Variants in SSBP3 observed in about 807,000 individuals in gnomAD.
The protein encoded by SSBP3 is single stranded DNA binding protein 3.
A neutral mutation model predicts 69.6 loss-of-function variants in SSBP3; 5 were observed. The ratio of observed to expected loss-of-function variants is 0.07; its 90% CI spans 0.04 to 0.15. SSBP3 has a LOEUF of 0.15. Ranked by LOEUF, SSBP3 falls within the 10% of genes least tolerant of loss-of-function variation. The probability of loss-of-function intolerance (pLI) is 1.00; values close to 1 mark genes in which losing one functional copy is unlikely to be tolerated. For missense variants in SSBP3, 312 were observed against 534.0 expected, an observed-to-expected ratio of 0.58 and a Z score of 4.10; for synonymous variants, 196 against 193.4, an observed-to-expected ratio of 1.01 and a Z score of -0.11.
At chr1:54,262,471 C>T (rs891027411) in intron 5 of SSBP3, among the ~76,000 whole-genome samples, 2 of 152,186 alleles carry the variant, frequency 1.3e-5, no homozygotes, top group Admixed American at 6.5e-5. Context: ...GGGAGAGCAC[C>T]GAGATGCCGG....
At chr1:54,270,490 G>A (rs1645174408) in intron 5 of SSBP3, among the ~76,000 whole-genome samples, 1 of 152,318 alleles carries the variant, frequency 6.6e-6, no homozygotes, top group Admixed American at 6.5e-5. Context: ...TGGTGCTTAG[G>A]TGTGTCAAAT....
At chr1:54,377,024 G>A (rs1231440238) in intron 4 of SSBP3, among the ~76,000 whole-genome samples, 2 of 151,962 alleles carry the variant, frequency 1.3e-5, no homozygotes, top group African/African-American at 2.4e-5. Context: ...CAGAATGAGA[G>A]AGAGGTAAGG....
At chr1:54,333,079 C>T (rs10788979) in intron 4 of SSBP3, among the ~76,000 whole-genome samples, 37,610 of 152,054 alleles carry the variant, frequency 0.25, 6,508 homozygotes, top group African/African-American at 0.49. Flanking sequence ...TCCTGTGGTC[C>T]GCAGGGACCA....
At chr1:54,301,006 C>T (rs1645791716) in intron 4 of SSBP3, among the ~76,000 whole-genome samples, 1 of 152,182 alleles carries the variant, frequency 6.6e-6, no homozygotes, top group Admixed American at 6.5e-5. Context: ...CTCTTAGGAT[C>T]TCCTGAATGC....
At chr1:54,236,138 CG>C (rs1557443613) in intron 14 of SSBP3, among the ~76,000 whole-genome samples, 1 of 151,614 alleles carries the variant, frequency 6.6e-6, no homozygotes, top group Non-Finnish European at 1.5e-5. Flanking sequence ...TTCTTTGAAA[CG>C]GAGTCTCATT....
At chr1:54,229,524 C>A (rs561649006) in intron 14 of SSBP3, among the ~76,000 whole-genome samples, 90 of 152,286 alleles carry the variant, frequency 5.9e-4, no homozygotes, top group African/African-American at 2.1e-3. Context: ...CAGGAGGTCA[C>A]TGATGAGGCT....
At chr1:54,358,761 C>T (rs1298356912) in intron 4 of SSBP3, among the ~76,000 whole-genome samples, 4 of 152,168 alleles carry the variant, frequency 2.6e-5, no homozygotes, top group African/African-American at 4.8e-5. Context: ...TCCCCACCTA[C>T]GCTCTCAACG....
intron 4 of SSBP3, among the ~76,000 whole-genome samples, chr1:54,332,623 T>G (rs1646437478): frequency 6.6e-6 from 1 of 152,098 alleles, no homozygotes; most frequent in Non-Finnish European, 1.5e-5. Context: ...TTCCTGTGCC[T>G]CCACTCCCTA....
rs1180761729 is a variant in SSBP3, at chr1:54,355,000, C to A, written c.276+46861G>T. ...CCAGAAGACTGCTTACTGCCCTCGA[C>A]ACAAGGTCCCTCTAAAAGGAAGGGG... On this transcript the variant is annotated intron_variant, in intron 4 of 17. Transcript: ENST00000610401. Among the ~76,000 whole-genome samples, 3 of 152,322 alleles carry A rather than the reference C, an allele frequency of 2.0e-5. No individual in the cohort carries two copies. The East Asian group carries it at 5.8e-4, about 29-fold the overall frequency.
chr1:54,315,688 C>T (rs1206697158), intron 4 of SSBP3, among the ~76,000 whole-genome samples: 1 of 151,808 alleles, frequency 6.6e-6, no homozygotes, highest in African/African-American at 2.4e-5. Flanking sequence ...AAGACAGGGT[C>T]TCTTGCTCTG....
intron 4 of SSBP3, among the ~76,000 whole-genome samples, chr1:54,395,989 G>A (rs1032870254): frequency 1.3e-5 from 2 of 151,980 alleles, no homozygotes; most frequent in Non-Finnish European, 1.5e-5. Context: ...TCAGGAGTTC[G>A]AGACCAGCCT....
At chr1:54,298,305 A>G (rs1211557520) in intron 4 of SSBP3, among the ~76,000 whole-genome samples, 1 of 152,060 alleles carries the variant, frequency 6.6e-6, no homozygotes, top group Non-Finnish European at 1.5e-5. Context: ...GTACGGTCAC[A>G]CGGAAGGCAC....
chr1:54,333,485 T>TC (rs1292875102), intron 4 of SSBP3, among the ~76,000 whole-genome samples: 1 of 152,154 alleles, frequency 6.6e-6, no homozygotes, highest in Non-Finnish European at 1.5e-5. Flanking sequence ...ATTAAAAACT[T>TC]CAACAGGCCA....
intron 9 of SSBP3, among the ~76,000 whole-genome samples, chr1:54,244,391 C>A (rs910913105): frequency 2.0e-5 from 3 of 152,056 alleles, no homozygotes; most frequent in African/African-American, 7.2e-5. Flanking sequence ...TGTGAGCCAC[C>A]GCACCCAGCC....
rs577526553 is a variant in SSBP3 at position 54,249,486 on chromosome 1, G to A, written c.651+2130C>T. 6.6e-5 allele frequency among the ~76,000 whole-genome samples: 10 copies of A among 152,166 alleles called. No homozygotes were observed. The South Asian group carries it at 1.0e-3, about 16-fold the overall frequency. Reference sequence around the variant, plus strand: ...GAGGTCGGGGGATCACTTGAGCCCAGGAGTTCAAGACCAGTCTGGGCAACA... The same window carrying A: ...GAGGTCGGGGGATCACTTGAGCCCAAGAGTTCAAGACCAGTCTGGGCAACA... On this transcript the variant is annotated intron_variant, in intron 9 of 17. Coordinates refer to ENST00000610401, the Ensembl canonical transcript of SSBP3.
At chr1:54,397,506 T>C (rs1368922802) in intron 4 of SSBP3, among the ~76,000 whole-genome samples, 3 of 152,122 alleles carry the variant, frequency 2.0e-5, no homozygotes, top group Non-Finnish European at 2.9e-5. Flanking sequence ...TCCCCTCTGC[T>C]GAGGGAGGAG....
At chr1:54,307,006 A>G (rs1366861724) in intron 4 of SSBP3, among the ~76,000 whole-genome samples, 1 of 152,120 alleles carries the variant, frequency 6.6e-6, no homozygotes, top group Non-Finnish European at 1.5e-5. Context: ...TGAAGACTCA[A>G]GCAGCATTCC....
intron 5 of SSBP3, among the ~76,000 whole-genome samples, chr1:54,280,359 G>C (rs1298731821): frequency 6.6e-6 from 1 of 152,234 alleles, no homozygotes; most frequent in Non-Finnish European, 1.5e-5. Context: ...CTGCCTTGAT[G>C]TGGTGTGAGC....
chr1:54,321,053 C>T (rs1294397384), intron 4 of SSBP3, among the ~76,000 whole-genome samples: 1 of 152,194 alleles, frequency 6.6e-6, no homozygotes, highest in Non-Finnish European at 1.5e-5. Flanking sequence ...CAGGCAAAGG[C>T]ACAGTGGCCT....
Sources: allele counts gnomAD v4.1 joint callset (sites outside exome capture counted in the v4.1 genomes callset), GRCh38; gene constraint gnomAD v4.1.1; transcripts MANE v1.5; gene names NCBI Gene and HGNC (gene_info 2026-07-23, HGNC 2026-07-21).